ZNF131: variants seen among roughly 807,000 people sequenced by gnomAD.
ZNF131 encodes zinc finger and BTB domain containing 35, also known as zinc finger protein 131.
ZNF131 carries 7 observed loss-of-function variants against 60.0 expected under a neutral mutation model. The ratio of observed to expected loss-of-function variants is 0.12; its 90% confidence interval spans 0.07 to 0.22. The LOEUF is 0.22. Ranked by LOEUF, ZNF131 falls within the 10% of genes least tolerant of loss-of-function variation. The pLI, the probability that ZNF131 is intolerant of heterozygous loss-of-function variation, is 1.00. For missense variants in ZNF131, 493 were observed against 740.9 expected (o/e 0.67, Z 3.88); for synonymous variants, 257 against 253.2 (o/e 1.01, Z -0.14).
At chr5:43,122,543 T>C (rs1579686587) in intron 2 of ZNF131, among the ~76,000 whole-genome samples, 1 of 152,298 alleles carries the variant, frequency 6.6e-6, no homozygotes, top group South Asian at 2.1e-4. Context: ...TTGGGAAGTG[T>C]TGATTTTTTT....
At chr5:43,160,774 C>T (rs1375884547) in intron 4 of ZNF131, among the ~76,000 whole-genome samples, 2 of 150,506 alleles carry the variant, frequency 1.3e-5, no homozygotes, top group Non-Finnish European at 3.0e-5. Flanking sequence ...ACCTCCGCCT[C>T]CTGGGTTCAA....
At chr5:43,127,888 C>T (rs901290070) in intron 3 of ZNF131, among the ~76,000 whole-genome samples, 14 of 152,226 alleles carry the variant, frequency 9.2e-5, no homozygotes, top group African/African-American at 3.4e-4. Flanking sequence ...TCACCTGAAA[C>T]CACAGATCCA....
At chr5:43,135,657 GTTGCAGTGAGCATGGA>G (rs1745988337) in intron 3 of ZNF131, among the ~76,000 whole-genome samples, 2 of 152,122 alleles carry the variant, frequency 1.3e-5, no homozygotes, top group Non-Finnish European at 2.9e-5. Context: ...GGAGGCTGAG[GTTGCAGTGAGCATGGA>G]TTGCACCACT....
chr5:43,131,144 T>C (rs1328018843), intron 3 of ZNF131, among the ~76,000 whole-genome samples: 2 of 146,754 alleles, frequency 1.4e-5, no homozygotes, highest in East Asian at 4.2e-4. Flanking sequence ...GGATTACAGG[T>C]GTGAGCCACA....
chr5:43,156,619 G>A (rs919956960), intron 4 of ZNF131, among the ~76,000 whole-genome samples: 6 of 152,188 alleles, frequency 3.9e-5, no homozygotes, highest in African/African-American at 1.2e-4. Context: ...TGCTGACACC[G>A]ATCTATTTCA....
chr5:43,161,475 A>C lies in ZNF131; in HGVS notation c.598A>C (p.Ile200Leu). The C allele has an allele frequency of 6.2e-7, 1 of 1,614,274 alleles. No individual in the cohort carries two copies. Among genetic ancestry groups the C allele is most frequent in the Non-Finnish European group, 8.5e-7 (1 of 1,180,052 alleles). The change falls in exon 5 of 7, where the codon ATA becomes CTA. Residue 200 changes from isoleucine (I) to leucine (L), a missense_variant. Physicochemically the swap from Ile to Leu is conservative, Grantham distance 5. Coordinates refer to ENST00000682664, the MANE Select transcript of ZNF131 (RefSeq NM_001330707.2). ...VASAKQSVKY[I>L]QSTGSSDDSA... ...TTCTGCCAAGCAGTCCGTAAAGTAC[A>C]TACAGAGCACAGGTTCCTCTGATGA...
intron 6 of ZNF131, 67 bp from the exon 7 acceptor site, chr5:43,174,379 TA>T: frequency 1.5e-6 from 2 of 1,343,438 alleles, no homozygotes. Context: ...TTACAGAGAA[TA>T]AATGCATTCA....
chr5:43,158,721 T>C (rs1387462092), intron 4 of ZNF131, among the ~76,000 whole-genome samples: 1 of 152,220 alleles, frequency 6.6e-6, no homozygotes, highest in Non-Finnish European at 1.5e-5. Context: ...GGCAGTAAAG[T>C]AGAGGGCCAT....
Position 43,161,360 on chromosome 5 carries a change from A to G in ZNF131, c.483A>G (p.Ala161=). Residue 161 remains alanine, a synonymous_variant, in exon 5 of 7, where the codon GCA becomes GCG. Coordinates refer to ENST00000682664, the MANE Select transcript of ZNF131 (RefSeq NM_001330707.2). ...SNVITESLPS[A]ESEPVEIEVE... ...TTATCACTGAGTCATTGCCATCTGC[A>G]GAATCAGAACCTGTTGAAATTGAGG... The G allele has an allele frequency of 6.2e-7, 1 of 1,614,282 alleles. No individual in the cohort carries two copies. Among genetic ancestry groups the G allele is most frequent in the Non-Finnish European group, 8.5e-7 (1 of 1,180,046 alleles).
At chr5:43,159,755 C>T (rs1316384311) in intron 4 of ZNF131, among the ~76,000 whole-genome samples, 4 of 148,822 alleles carry the variant, frequency 2.7e-5, no homozygotes, top group East Asian at 3.9e-4. Flanking sequence ...CAACTATTTT[C>T]TTCTGGCCTG....
At chr5:43,135,976 A>G (rs1207103087) in intron 3 of ZNF131, among the ~76,000 whole-genome samples, 2 of 152,070 alleles carry the variant, frequency 1.3e-5, no homozygotes, top group East Asian at 1.9e-4. Flanking sequence ...TTAGGTGGGT[A>G]TGGTGGTGCG....
intron 3 of ZNF131, among the ~76,000 whole-genome samples, chr5:43,125,218 G>C (rs1744373942): frequency 6.6e-6 from 1 of 152,038 alleles, no homozygotes; most frequent in African/African-American, 2.4e-5. Flanking sequence ...ACTGTGAAAT[G>C]GTATCACTGA....
chr5:43,138,523 A>G (rs1321044379), intron 3 of ZNF131, among the ~76,000 whole-genome samples: 1 of 152,166 alleles, frequency 6.6e-6, no homozygotes, highest in Non-Finnish European at 1.5e-5. Context: ...GTGGTGGTAC[A>G]TGCCTGTAAT....
At chr5:43,147,071 T>C (rs1747680475) in intron 4 of ZNF131, among the ~76,000 whole-genome samples, 1 of 152,200 alleles carries the variant, frequency 6.6e-6, no homozygotes, top group South Asian at 2.1e-4. Flanking sequence ...TTTTCTATAG[T>C]GTACCGTACA....
intron 5 of ZNF131, among the ~76,000 whole-genome samples, chr5:43,162,612 A>G (rs933389756): frequency 6.8e-6 from 1 of 146,098 alleles, no homozygotes. Flanking sequence ...AAAAGAAAAG[A>G]AAAAAAAGCG....
At chr5:43,169,904 C>T (rs1750775890) in intron 5 of ZNF131, among the ~76,000 whole-genome samples, 1 of 151,882 alleles carries the variant, frequency 6.6e-6, no homozygotes, top group Admixed American at 6.6e-5. Flanking sequence ...AATTCTCCTG[C>T]CTCAGCCTCC....
At position 43,175,716 on chromosome 5, in the gene ZNF131, T is replaced by C; in HGVS notation, c.*583T>C. 5.8e-6 allele frequency: 1 copy of C among 172,896 alleles called. No individual in the cohort carries two copies. The highest frequency in any genetic ancestry group is 9.5e-6 in the Non-Finnish European group (1 of 105,166). The allele number at this position is 172,896 out of a possible 1,614,324, so 10.7% of individuals were successfully genotyped here. A position where few individuals can be genotyped will look rare whatever the true frequency, so the allele number is the denominator to read the frequency against. Reference sequence around the variant, plus strand: ...AGTGGTGGTGGCAAAATTTCTAGAATGTTAAAAAAAAAAAAAAATCCACAC... The same window carrying C: ...AGTGGTGGTGGCAAAATTTCTAGAACGTTAAAAAAAAAAAAAAATCCACAC... On this transcript the variant is annotated 3_prime_UTR_variant, in exon 7 of 7. Transcript: ENST00000682664.
intron 4 of ZNF131, among the ~76,000 whole-genome samples, chr5:43,158,696 C>G (rs147562083): frequency 0.012 from 1,886 of 152,314 alleles, 25 homozygotes; most frequent in African/African-American, 0.033. Flanking sequence ...GAACACAATT[C>G]AACCCATAAT....
intron 3 of ZNF131, among the ~76,000 whole-genome samples, chr5:43,128,501 A>G (rs961702595): frequency 2.0e-5 from 3 of 151,664 alleles, no homozygotes; most frequent in Non-Finnish European, 4.4e-5. Context: ...TAAAAATACA[A>G]AAAAAATTAG....
Sources: allele counts gnomAD v4.1 joint callset (sites outside exome capture counted in the v4.1 genomes callset), GRCh38; gene constraint gnomAD v4.1.1; transcripts MANE v1.5; gene names NCBI Gene and HGNC (gene_info 2026-07-23, HGNC 2026-07-21).